Variants in DCAF5 observed in about 807,000 individuals in gnomAD.
DCAF5 encodes DDB1 and CUL4 associated factor 5, also known as DDB1- and CUL4-associated factor 5.
DCAF5 carries 9 observed loss-of-function variants against 80.7 expected under a neutral mutation model. The observed-to-expected ratio is 0.11, with a 90% CI of 0.07 to 0.19. DCAF5 has a LOEUF of 0.19. Among genes scored for constraint, DCAF5 ranks in the 10% least tolerant of loss-of-function variants. The pLI is 1.00. For synonymous variants in DCAF5, 433 were observed against 461.9 expected (o/e 0.94, Z 0.80); for missense variants, 842 against 1,205.7 (o/e 0.70, Z 4.47).
intron 8 of DCAF5, among the ~76,000 whole-genome samples, chr14:69,059,363 T>C (rs556320687): frequency 6.6e-6 from 1 of 150,980 alleles, no homozygotes; most frequent in Non-Finnish European, 1.5e-5. Context: ...GAAGGGGGAG[T>C]AGAGAGAGAA....
intron 8 of DCAF5, among the ~76,000 whole-genome samples, chr14:69,056,803 G>A (rs947547553): frequency 2.6e-5 from 4 of 152,114 alleles, no homozygotes; most frequent in Non-Finnish European, 5.9e-5. Flanking sequence ...ATTCCTGAGA[G>A]GTGGTATCTC....
intron 6 of DCAF5, chr14:69,090,985 C>A (rs928039618): frequency 1.5e-6 from 1 of 679,430 alleles, no homozygotes; most frequent in Non-Finnish European, 2.7e-6. Flanking sequence ...CCAGATTAGC[C>A]CAACTGGTCA....
chr14:69,054,935 C>G lies in DCAF5; in HGVS notation c.1751G>C (p.Arg584Pro), dbSNP rs148867811. 1 of 1,614,214 alleles carries G rather than the reference C, an allele frequency of 6.2e-7. No homozygotes were observed. Among genetic ancestry groups the G allele is most frequent in the South Asian group, 1.1e-5 (1 of 91,078 alleles). The change falls in exon 9 of 9, where the codon CGG (arginine) becomes CCG (proline). Residue 584 changes from arginine to proline, a missense_variant. Physicochemically the swap from Arg to Pro is moderately radical, Grantham distance 103 (BLOSUM62 -2). This residue lies in a region of DCAF5 where 607 missense variants were observed against 656.6 expected (regional missense o/e 0.92). Coordinates refer to ENST00000341516, the MANE Select transcript of DCAF5 (RefSeq NM_003861.3). ...LNERRASTWQ[R>P]NAMRRRQKTT... is the part of the protein sequence containing the mutation. ...CTTCTGTCGGCGCCGCATGGCATTC[C>G]GCTGCCAGGTAGAGGCTCGGCGTTC...
At chr14:69,067,483 A>G (rs2038499423) in intron 7 of DCAF5, among the ~76,000 whole-genome samples, 1 of 151,562 alleles carries the variant, frequency 6.6e-6, no homozygotes, top group Non-Finnish European at 1.5e-5. Context: ...AGCTGAGACT[A>G]TAGGGACATG....
chr14:69,061,951 T>C (rs2038231889), intron 8 of DCAF5, among the ~76,000 whole-genome samples: 1 of 152,168 alleles, frequency 6.6e-6, no homozygotes, highest in Admixed American at 6.5e-5. Flanking sequence ...GCCCAGAAGT[T>C]TGAATCCAGC....
Position 69,055,046 on chromosome 14 carries a change from A to C in DCAF5, c.1640T>G (p.Phe547Cys). 1 of 1,614,214 alleles carries C rather than the reference A, an allele frequency of 6.2e-7. No homozygotes were observed. Among genetic ancestry groups the C allele is most frequent in the Non-Finnish European group, 8.5e-7 (1 of 1,180,034 alleles). The change falls in exon 9 of 9, where the codon TTT becomes TGT. Residue 547 changes from phenylalanine (F) to cysteine (C), a missense_variant. Transcript: ENST00000341516. This position sits in a 1 kb window ranked among gnomAD's most constrained non-coding sequence, Gnocchi z 5.6. ...VCEVELDTDL[F>C]PRPRSPSPED... ...GGGGCTGGGTGACCGTGGCCGGGGA[A>C]AGAGATCTGTGTCTAGTTCCACCTC...
chr14:69,083,472 A>G (rs2039195064), intron 6 of DCAF5: 1 of 327,586 alleles, frequency 3.1e-6, no homozygotes, highest in South Asian at 3.2e-5. Flanking sequence ...AGTGGAACCT[A>G]AAGTTGCAGG....
rs2040826467 is a variant in DCAF5 at position 69,124,781 on chromosome 14, T to C, written c.215-2421A>G. Among the ~76,000 whole-genome samples the C allele has an allele frequency of 2.6e-5, 4 of 152,218 alleles. No individual in the cohort carries two copies. In the South Asian group the frequency reaches 8.3e-4, roughly 32 times the overall value. ...ACAGACTTAGGTATGGGCACTTTAG[T>C]TCTCTATAGTCTCCACTCCTATGGT... On this transcript the variant is annotated intron_variant, in intron 1 of 8. Transcript: ENST00000341516.
chr14:69,146,827 CAGA>C (rs1434383994), intron 1 of DCAF5, among the ~76,000 whole-genome samples: 1 of 152,022 alleles, frequency 6.6e-6, no homozygotes, highest in Non-Finnish European at 1.5e-5. Flanking sequence ...TAGAAAAGGC[CAGA>C]AGAAAATTTG....
chr14:69,113,918 A>G (rs539955643), intron 5 of DCAF5, among the ~76,000 whole-genome samples: 4 of 152,322 alleles, frequency 2.6e-5, no homozygotes, highest in South Asian at 2.1e-4. Context: ...TTTTATTCCA[A>G]AAAGAAATTA....
intron 1 of DCAF5, among the ~76,000 whole-genome samples, chr14:69,150,852 C>A (rs981483498): frequency 6.6e-6 from 1 of 152,052 alleles, no homozygotes. Context: ...TGAGTGATAG[C>A]CCACTGCACT....
chr14:69,151,194 T>C (rs1273997504), intron 1 of DCAF5, among the ~76,000 whole-genome samples: 4 of 152,140 alleles, frequency 2.6e-5, no homozygotes, highest in Admixed American at 1.3e-4. Context: ...AAGGAGGCTT[T>C]TGTCTGAAAG....
chr14:69,094,497 G>A (rs1014373010), intron 5 of DCAF5, among the ~76,000 whole-genome samples: 1 of 152,182 alleles, frequency 6.6e-6, no homozygotes, highest in Non-Finnish European at 1.5e-5. Context: ...GCTTAGGGGT[G>A]CTATTTAAAG....
intron 6 of DCAF5, among the ~76,000 whole-genome samples, chr14:69,077,668 C>T (rs969220047): frequency 1.6e-4 from 24 of 152,132 alleles, no homozygotes; most frequent in African/African-American, 3.1e-4. Flanking sequence ...ATAGGCTACA[C>T]GCCTAGCCAG....
intron 6 of DCAF5, among the ~76,000 whole-genome samples, chr14:69,076,390 G>A (rs1012446795): frequency 5.1e-4 from 78 of 152,156 alleles, no homozygotes; most frequent in African/African-American, 1.8e-3. Context: ...AACAACCCAA[G>A]GGTCTACTGA....
chr14:69,133,601 A>T (rs2041105615), intron 1 of DCAF5, among the ~76,000 whole-genome samples: 1 of 152,088 alleles, frequency 6.6e-6, no homozygotes, highest in African/African-American at 2.4e-5. Flanking sequence ...GTGTCACACA[A>T]ATTTTGCTCT....
chr14:69,109,137 T>C (rs7141919), intron 5 of DCAF5, among the ~76,000 whole-genome samples: 138,064 of 151,896 alleles, frequency 0.91, 63,032 homozygotes, highest in East Asian at 0.98. Context: ...GTCAGGAGAT[T>C]GAGACCATCC....
intron 6 of DCAF5, among the ~76,000 whole-genome samples, chr14:69,082,937 G>C (rs1325864757): frequency 6.6e-6 from 1 of 152,078 alleles, no homozygotes; most frequent in Non-Finnish European, 1.5e-5. Context: ...TCTTAGCCAG[G>C]AGCCATGCAT....
intron 5 of DCAF5, among the ~76,000 whole-genome samples, chr14:69,100,949 C>G (rs905716147): frequency 2.6e-5 from 4 of 152,180 alleles, no homozygotes; most frequent in Non-Finnish European, 4.4e-5. Flanking sequence ...AACATAGATA[C>G]CCCTGAAGAA....
Sources: gnomAD v4.1 joint callset for allele counts (sites outside exome capture counted in the v4.1 genomes callset) on GRCh38, gnomAD v4.1.1 for gene constraint, gnomAD v4.1.1 regional missense constraint, Gnocchi (gnomAD v3.1) non-coding constraint, MANE v1.5 for transcripts, NCBI Gene and HGNC (gene_info 2026-07-23, HGNC 2026-07-21) for gene names.